WDPCP: variants seen among roughly 807,000 people sequenced by gnomAD.
WDPCP encodes the protein WD repeat-containing and planar cell polarity effector protein fritz homolog.
WDPCP carries 71 observed loss-of-function variants against 93.1 expected under a neutral mutation model. That is an observed-to-expected ratio of 0.76 (90% CI 0.63 to 0.93). The LOEUF (loss-of-function observed/expected upper bound fraction) is 0.93. Among genes scored for constraint, WDPCP ranks in the 40% least tolerant of loss-of-function variants. The probability of loss-of-function intolerance (pLI) is 0.00; values close to 1 mark genes in which losing one functional copy is unlikely to be tolerated. For synonymous variants in WDPCP, 315 were observed against 315.0 expected (o/e 1.00, Z 0.00); for missense variants, 844 against 887.4 (o/e 0.95, Z 0.62).
At chr2:63,771,032 T>A (rs1202732712) in intron 2 of WDPCP, among the ~76,000 whole-genome samples, 1 of 151,710 alleles carries the variant, frequency 6.6e-6, no homozygotes, top group Non-Finnish European at 1.5e-5. Flanking sequence ...ATATTTTAAA[T>A]TTTTCACATT....
At chr2:63,570,429 T>C (rs1707398149) in intron 1 of WDPCP, among the ~76,000 whole-genome samples, 1 of 152,186 alleles carries the variant, frequency 6.6e-6, no homozygotes, top group Non-Finnish European at 1.5e-5. Context: ...AACTTTTCCC[T>C]TAGCTTTCCT....
intron 12 of WDPCP, among the ~76,000 whole-genome samples, chr2:63,321,382 CACTCTGTGTGTGTGTG>C (rs1687071838): frequency 7.0e-6 from 1 of 143,486 alleles, no homozygotes; most frequent in South Asian, 2.3e-4. Flanking sequence ...CATATATATA[CACTCTGTGTGTGTGTG>C]TGTGTGTGTG....
intron 2 of WDPCP, chr2:63,717,867 A>G: frequency 5.7e-6 from 1 of 174,138 alleles, no homozygotes; most frequent in Non-Finnish European, 1.2e-5. Flanking sequence ...CAAGTCCATG[A>G]GCACAGATGG....
intron 14 of WDPCP, among the ~76,000 whole-genome samples, chr2:63,222,290 A>T (rs1403492912): frequency 6.6e-6 from 1 of 152,184 alleles, no homozygotes; most frequent in South Asian, 2.1e-4. Flanking sequence ...CTCACTTACA[A>T]TTCTACTGTT....
At chr2:63,693,062 C>T (rs543750988) in intron 2 of WDPCP, among the ~76,000 whole-genome samples, 1 of 152,284 alleles carries the variant, frequency 6.6e-6, no homozygotes, top group Non-Finnish European at 1.5e-5. Context: ...GATTAAATAA[C>T]TAGTTCAAAG....
At chr2:63,837,582 A>G in the WDPCP span, among the ~76,000 whole-genome samples, 30 of 152,362 alleles carry the variant, frequency 2.0e-4, no homozygotes, top group African/African-American at 6.7e-4. Flanking sequence ...AAAGGACCAC[A>G]CACATTGATG....
chr2:63,419,789 A>C (rs1019990684), intron 9 of WDPCP, among the ~76,000 whole-genome samples: 4 of 152,236 alleles, frequency 2.6e-5, no homozygotes, highest in African/African-American at 7.2e-5. Flanking sequence ...TATATAAATC[A>C]GGAAAAAAAA....
chr2:63,140,404 G>A (rs1574704063), intron 17 of WDPCP, among the ~76,000 whole-genome samples: 1 of 152,224 alleles, frequency 6.6e-6, no homozygotes, highest in East Asian at 1.9e-4. Flanking sequence ...GCTTTTGGCA[G>A]TATGGTCATT....
At chr2:63,215,494 C>T (rs1300898749) in intron 14 of WDPCP, among the ~76,000 whole-genome samples, 1 of 152,158 alleles carries the variant, frequency 6.6e-6, no homozygotes, top group Admixed American at 6.5e-5. Flanking sequence ...GCTGGGAAAA[C>T]TGGCTAGCCA....
intron 14 of WDPCP, 106 bp downstream of exon 14, chr2:63,259,201 A>C: frequency 1.0e-6 from 1 of 976,414 alleles, no homozygotes; most frequent in Non-Finnish European, 1.6e-6. Flanking sequence ...CTGTCTTTAC[A>C]AACAAAGTAA....
chr2:63,720,754 G>C (rs1422576262), intron 2 of WDPCP, among the ~76,000 whole-genome samples: 3 of 152,156 alleles, frequency 2.0e-5, no homozygotes, highest in Non-Finnish European at 4.4e-5. Context: ...TTCTGCTAGG[G>C]ATGGCAGTCA....
At chr2:63,530,583 G>A (rs1449675289) in intron 1 of WDPCP, among the ~76,000 whole-genome samples, 1 of 152,210 alleles carries the variant, frequency 6.6e-6, no homozygotes, top group African/African-American at 2.4e-5. Flanking sequence ...CAGAGAGCCA[G>A]TGCAAAAATG....
rs900368342 is a variant in WDPCP, at chr2:63,752,034, T to C, written n.308+61588A>G. The C allele has an allele frequency of 6.4e-6, 4 of 625,518 alleles. No individual in the cohort carries two copies. The Admixed American group carries it at 7.6e-5, about 12-fold the overall frequency. 38.7% of individuals were successfully genotyped at this position (625,518 alleles called of 1,614,324 possible). On this transcript the variant is annotated intron_variant and non_coding_transcript_variant, in intron 2 of 4. Coordinates refer to the WDPCP transcript ENST00000467687. ...AACCTCCACAACCAACACCAAAGTT[T>C]CCAGAACCACTTCAACCTCTTTGGC...
chr2:63,187,212 C>A lies in WDPCP; in HGVS notation c.1916-12380G>T, dbSNP rs939389561. On this transcript the variant is annotated intron_variant, in intron 14 of 17. Transcript: ENST00000272321. ...TGTCTTTTGGTTATTGTCTGCATAG[C>A]ATATCTTTTTTCATCCTTCAAGTTC... Among the ~76,000 whole-genome samples the A allele has an allele frequency of 4.3e-4, 65 of 152,140 alleles. 2 individuals are homozygous for A. Among genetic ancestry groups the A allele is most frequent in the Admixed American group, 4.2e-3 (64 of 15,262 alleles).
chr2:63,622,411 T>C, intron 3 of WDPCP: 2 of 1,613,896 alleles, frequency 1.2e-6, no homozygotes, highest in Non-Finnish European at 1.7e-6. Context: ...TGGACAGCTC[T>C]GGAGACACCA....
intron 13 of WDPCP, among the ~76,000 whole-genome samples, chr2:63,303,578 T>C (rs1685491905): frequency 6.6e-6 from 1 of 152,122 alleles, no homozygotes; most frequent in South Asian, 2.1e-4. Flanking sequence ...ATATCATCAG[T>C]ATAATGGAAA....
intron 2 of WDPCP, chr2:63,711,466 T>C (rs187841735): frequency 6.6e-6 from 1 of 152,242 alleles, no homozygotes; most frequent in Non-Finnish European, 1.5e-5. Flanking sequence ...GTTACAGAAA[T>C]AGCTTCTAGG....
intron 17 of WDPCP, among the ~76,000 whole-genome samples, chr2:63,138,222 T>C (rs13408152): frequency 0.02 from 3,063 of 152,084 alleles, 113 homozygotes; most frequent in African/African-American, 0.07. Context: ...ATTATCTTTT[T>C]AGGATGAATT....
At chr2:63,344,635 G>T (rs1355930907) in intron 12 of WDPCP, among the ~76,000 whole-genome samples, 5 of 152,090 alleles carry the variant, frequency 3.3e-5, no homozygotes, top group African/African-American at 1.2e-4. Context: ...TTCCCCATTT[G>T]CCATCCCTTG....
Sources: gnomAD v4.1 joint callset for allele counts (sites outside exome capture counted in the v4.1 genomes callset) on GRCh38, gnomAD v4.1.1 for gene constraint, MANE v1.5 for transcripts, NCBI Gene and HGNC (gene_info 2026-07-23, HGNC 2026-07-21) for gene names.